The following POU6F2 variants were observed in gnomAD, a reference collection of about 807,000 sequenced individuals.
The protein encoded by POU6F2 is POU domain, class 6, transcription factor 2.
Under a neutral mutation model 71.3 loss-of-function variants are expected in POU6F2, and 31 were observed. That is an observed-to-expected ratio of 0.43 (90% CI 0.33 to 0.59). The LOEUF is 0.59. Among genes scored for constraint, POU6F2 ranks in the 20% least tolerant of loss-of-function variants. POU6F2 has a pLI of 0.04. For synonymous variants in POU6F2, 347 were observed against 355.7 expected (o/e 0.98, Z 0.27); for missense variants, 783 against 856.8 (o/e 0.91, Z 1.07).
rs951804409 is a variant in POU6F2, at chr7:39,467,224, T to C, written c.*2538T>C. 4.6e-5 allele frequency: 7 copies of C among 152,220 alleles called. No individual in the cohort carries two copies. Among genetic ancestry groups the C allele is most frequent in the Admixed American group, 1.3e-4 (2 of 15,278 alleles). 9.4% of individuals were successfully genotyped at this position (152,220 alleles called of 1,614,324 possible). ...TGTTTTATAAATTATTTATAAGGTG[T>C]TGTAATGCTTCTTATATTAATTTTT... On this transcript the variant is annotated 3_prime_UTR_variant, in exon 10 of 10. Coordinates refer to ENST00000518318, the MANE Select transcript of POU6F2 (RefSeq NM_001370959.1).
intron 1 of POU6F2, among the ~76,000 whole-genome samples, chr7:39,000,017 A>C (rs1255102825): frequency 6.6e-6 from 1 of 152,106 alleles, no homozygotes; most frequent in Non-Finnish European, 1.5e-5. Flanking sequence ...GATTTTTTAG[A>C]GGGAGCTTCT....
At chr7:38,978,943 C>T (rs1168093653) in intron 1 of POU6F2, among the ~76,000 whole-genome samples, 1 of 152,118 alleles carries the variant, frequency 6.6e-6, no homozygotes, top group African/African-American at 2.4e-5. Context: ...TAAGCTAAAT[C>T]AGAAAACGAA....
rs141054733 is a variant in POU6F2 at position 38,979,673 on chromosome 7, C to A, written c.105+1615C>A. Among the ~76,000 whole-genome samples, 299 of 152,022 alleles carry A rather than the reference C, an allele frequency of 2.0e-3. 1 individual carries two copies. Among genetic ancestry groups the A allele is most frequent in the African/African-American group, 6.9e-3 (287 of 41,500 alleles). ...GTGGTGTAGGGAATGAAATAAATAT[C>A]TGTTACAATAGATGACTTTTGCATA... is the stretch of plus-strand genomic sequence containing the variant. On this transcript the variant is annotated intron_variant, in intron 1 of 9. Coordinates refer to ENST00000518318, the MANE Select transcript of POU6F2 (RefSeq NM_001370959.1).
intron 7 of POU6F2, among the ~76,000 whole-genome samples, chr7:39,450,440 C>A (rs963848168): frequency 2.0e-5 from 3 of 152,098 alleles, no homozygotes; most frequent in Non-Finnish European, 4.4e-5. Flanking sequence ...GGTGTCCTGG[C>A]CTGCCCTTAT....
intron 5 of POU6F2, among the ~76,000 whole-genome samples, chr7:39,355,328 AT>A (rs1786232120): frequency 6.6e-6 from 1 of 152,170 alleles, no homozygotes; most frequent in Non-Finnish European, 1.5e-5. Context: ...AAGGCTACAA[AT>A]TTTTTTAAGG....
chr7:39,407,759 A>G (rs1230209744), intron 6 of POU6F2, among the ~76,000 whole-genome samples: 1 of 152,174 alleles, frequency 6.6e-6, no homozygotes, highest in East Asian at 1.9e-4. Context: ...GTAAACAAAG[A>G]TGCATTATAA....
At chr7:39,259,467 C>T in intron 4 of POU6F2, among the ~76,000 whole-genome samples, 1 of 152,036 alleles carries the variant, frequency 6.6e-6, no homozygotes, top group East Asian at 1.9e-4. Flanking sequence ...CTGAGGAGTC[C>T]AAAGACTGTG....
chr7:39,463,292 G>T (rs949710740), intron 9 of POU6F2, among the ~76,000 whole-genome samples: 17 of 152,192 alleles, frequency 1.1e-4, no homozygotes, highest in Non-Finnish European at 2.1e-4. Flanking sequence ...GCAAAGAATT[G>T]CTGATGGCAG....
intron 2 of POU6F2, among the ~76,000 whole-genome samples, chr7:39,171,971 G>C (rs1008846259): frequency 4.6e-5 from 7 of 152,190 alleles, no homozygotes; most frequent in Non-Finnish European, 1.0e-4. Flanking sequence ...TGGAGTGGGG[G>C]AGGAGAACAG....
intron 4 of POU6F2, among the ~76,000 whole-genome samples, chr7:39,254,861 A>G (rs753213749): frequency 2.0e-5 from 3 of 152,332 alleles, no homozygotes; most frequent in South Asian, 4.1e-4. Flanking sequence ...AAGTGGGCCC[A>G]GTTTAGGGCC....
At position 39,287,220 on chromosome 7, in the gene POU6F2, T is replaced by C. The variant is rs565621297; in HGVS notation, c.599-52422T>C. ...AACATAAAATAAACCTACTTTCCCT[T>C]CCTCAAACCAGCTCATCGAATAACT... is the stretch of plus-strand genomic sequence containing the variant. On this transcript the variant is annotated intron_variant, in intron 4 of 9. Coordinates refer to ENST00000518318, the MANE Select transcript of POU6F2 (RefSeq NM_001370959.1). 1.5e-4 allele frequency among the ~76,000 whole-genome samples: 23 copies of C among 152,200 alleles called. No homozygotes were observed. The East Asian group carries it at 4.3e-3, about 28-fold the overall frequency.
chr7:39,193,223 G>C, intron 2 of POU6F2, among the ~76,000 whole-genome samples: 1 of 151,964 alleles, frequency 6.6e-6, no homozygotes, highest in East Asian at 1.9e-4. Flanking sequence ...GATTGCGGGG[G>C]GTGCTTATTT....
At chr7:39,451,422 A>T in intron 7 of POU6F2, 111 bp from the exon 8 acceptor site, 2 of 1,182,572 alleles carry the variant, frequency 1.7e-6, no homozygotes, top group Non-Finnish European at 2.3e-6. Flanking sequence ...CCTGAGAAGT[A>T]TATATTCTTG....
At chr7:39,245,833 A>G (rs978165189) in intron 4 of POU6F2, among the ~76,000 whole-genome samples, 3 of 152,204 alleles carry the variant, frequency 2.0e-5, no homozygotes, top group Admixed American at 1.3e-4. Flanking sequence ...CAAGAAGATC[A>G]TGGTTCTGAT....
At chr7:39,169,486 T>A (rs1204337527) in intron 2 of POU6F2, among the ~76,000 whole-genome samples, 1 of 151,980 alleles carries the variant, frequency 6.6e-6, no homozygotes, top group Non-Finnish European at 1.5e-5. Context: ...GGGAATAGAG[T>A]TAACCTGTAC....
chr7:39,242,734 C>T (rs567271303), intron 4 of POU6F2, among the ~76,000 whole-genome samples: 147 of 152,182 alleles, frequency 9.7e-4, no homozygotes, highest in African/African-American at 2.9e-3. Context: ...GAGAAAACAC[C>T]TTGCACTGTG....
Position 39,101,018 on chromosome 7 carries a change from C to T in POU6F2, c.277+14987C>T, listed in dbSNP as rs566976270. Among the ~76,000 whole-genome samples the T allele has an allele frequency of 1.6e-4, 24 of 152,068 alleles. No individual in the cohort carries two copies. In the South Asian group the frequency reaches 4.4e-3, roughly 28 times the overall value. On this transcript the variant is annotated intron_variant, in intron 2 of 9. Transcript: ENST00000518318. ...CCCGCCTTTCCACACCATTCATTTC[C>T]AACCACCATCTAGATCTTCCAATTT...
intron 4 of POU6F2, among the ~76,000 whole-genome samples, chr7:39,232,483 C>T (rs1323680953): frequency 6.6e-6 from 1 of 152,194 alleles, no homozygotes; most frequent in African/African-American, 2.4e-5. Context: ...AAGACTATCA[C>T]TCATGGTCAC....
chr7:39,414,988 C>T (rs1787642103), intron 6 of POU6F2, among the ~76,000 whole-genome samples: 1 of 151,554 alleles, frequency 6.6e-6, no homozygotes, highest in Non-Finnish European at 1.5e-5. Context: ...CCACTTCTGG[C>T]TGCTGCAGCG....
Sources: gnomAD v4.1 joint callset for allele counts (sites outside exome capture counted in the v4.1 genomes callset) on GRCh38, gnomAD v4.1.1 for gene constraint, MANE v1.5 for transcripts, NCBI Gene and HGNC (gene_info 2026-07-23, HGNC 2026-07-21) for gene names.